The following ARL15 variants were observed in gnomAD, a reference collection of about 807,000 sequenced individuals.
The protein encoded by ARL15 is ADP-ribosylation factor-like protein 15.
In ARL15, 19 loss-of-function variants were observed where a neutral mutation model predicts 25.2. That is an observed-to-expected ratio of 0.75 (90% CI 0.53 to 1.10). The LOEUF (loss-of-function observed/expected upper bound fraction) is 1.10. Among genes scored for constraint, ARL15 ranks in the 50% least tolerant of loss-of-function variants. The pLI, the probability that ARL15 is intolerant of heterozygous loss-of-function variation, is 0.00. For synonymous variants in ARL15, 94 were observed against 86.8 expected (o/e 1.08, Z -0.46); for missense variants, 220 against 246.0 (o/e 0.89, Z 0.71).
intron 3 of ARL15, among the ~76,000 whole-genome samples, chr5:54,125,116 CT>C: frequency 6.9e-6 from 1 of 145,042 alleles, no homozygotes; most frequent in East Asian, 2.0e-4. Flanking sequence ...CAGTCTCACT[CT>C]GTTGCCAAGG....
chr5:54,203,917 G>C (rs1375774642), intron 1 of ARL15, among the ~76,000 whole-genome samples: 4 of 152,188 alleles, frequency 2.6e-5, no homozygotes, highest in Non-Finnish European at 5.9e-5. Flanking sequence ...GGGTATTAAG[G>C]TCATGAAATG....
intron 3 of ARL15, among the ~76,000 whole-genome samples, chr5:54,141,802 A>T (rs1753790124): frequency 1.3e-5 from 2 of 152,200 alleles, no homozygotes; most frequent in South Asian, 4.1e-4. Context: ...TAGAATACAA[A>T]TTTATCTCAG....
intron 1 of ARL15, among the ~76,000 whole-genome samples, chr5:54,239,974 T>A (rs1424070498): frequency 6.6e-6 from 1 of 152,174 alleles, no homozygotes. Flanking sequence ...AGGCCTGTAA[T>A]CCCAGCACTT....
At chr5:54,291,661 C>T (rs951622085) in intron 1 of ARL15, among the ~76,000 whole-genome samples, 5 of 152,148 alleles carry the variant, frequency 3.3e-5, no homozygotes, top group Non-Finnish European at 7.3e-5. Flanking sequence ...AAAGCCAAGC[C>T]GCCCACATCT....
chr5:53,990,817 A>C (rs553906245), intron 4 of ARL15, among the ~76,000 whole-genome samples: 1 of 152,208 alleles, frequency 6.6e-6, no homozygotes, highest in African/African-American at 2.4e-5. Flanking sequence ...TATTTTATGA[A>C]TTGAAAAAGC....
chr5:54,075,302 T>C (rs962940892), intron 4 of ARL15, among the ~76,000 whole-genome samples: 2 of 152,144 alleles, frequency 1.3e-5, no homozygotes, highest in African/African-American at 4.8e-5. Flanking sequence ...AAAACTGATA[T>C]ACTTTCCCCA....
chr5:54,295,973 G>A (rs565032130), intron 1 of ARL15, among the ~76,000 whole-genome samples: 36 of 152,342 alleles, frequency 2.4e-4, no homozygotes, highest in African/African-American at 8.7e-4. Flanking sequence ...GAATTCCAGA[G>A]TAGCACCTCA....
chr5:54,262,565 T>C (rs1407989724), intron 1 of ARL15, among the ~76,000 whole-genome samples: 2 of 152,184 alleles, frequency 1.3e-5, no homozygotes, highest in Non-Finnish European at 2.9e-5. Context: ...TCATATTTTA[T>C]GTCTAGAGGT....
At chr5:53,938,703 C>G (rs969566863) in intron 4 of ARL15, among the ~76,000 whole-genome samples, 2 of 152,146 alleles carry the variant, frequency 1.3e-5, no homozygotes, top group Non-Finnish European at 2.9e-5. Flanking sequence ...CCATGTGCCT[C>G]TAGGCACATG....
At chr5:54,277,542 G>C (rs1757956651) in intron 1 of ARL15, among the ~76,000 whole-genome samples, 2 of 152,170 alleles carry the variant, frequency 1.3e-5, no homozygotes, top group South Asian at 4.1e-4. Flanking sequence ...ACGAGGTCAG[G>C]AGATTGAGAC....
rs556191830 is a variant in ARL15 at position 54,024,754 on chromosome 5, G to T, written c.462+88448C>A. Among the ~76,000 whole-genome samples, 6 of 152,070 alleles carry T rather than the reference G, an allele frequency of 3.9e-5. No individual in the cohort carries two copies. The East Asian group carries it at 9.7e-4, about 24-fold the overall frequency. ...CCTATTACTCAATAATCTGGATAAA[G>T]AATTTGTAGTGTCAAGAAAAGAGAT... On this transcript the variant is annotated intron_variant, in intron 4 of 4. Coordinates refer to ENST00000504924, the MANE Select transcript of ARL15 (RefSeq NM_019087.3).
At chr5:53,894,301 C>T (rs973894672) in intron 4 of ARL15, among the ~76,000 whole-genome samples, 5 of 152,270 alleles carry the variant, frequency 3.3e-5, no homozygotes, top group Middle Eastern at 3.4e-3. Context: ...CAGTAACCTC[C>T]GACATGTATA....
At chr5:54,145,242 A>T (rs1753871240) in intron 3 of ARL15, among the ~76,000 whole-genome samples, 2 of 152,176 alleles carry the variant, frequency 1.3e-5, no homozygotes, top group South Asian at 4.1e-4. Context: ...ACTTTACATA[A>T]ATTCTTCGCA....
At chr5:54,234,276 C>A (rs1326407753) in intron 1 of ARL15, among the ~76,000 whole-genome samples, 1 of 151,996 alleles carries the variant, frequency 6.6e-6, no homozygotes, top group Non-Finnish European at 1.5e-5. Flanking sequence ...CAGGCTTGAG[C>A]CACCAGGCCT....
intron 2 of ARL15, among the ~76,000 whole-genome samples, chr5:54,164,136 G>T (rs112653233): frequency 1.3e-5 from 2 of 151,670 alleles, no homozygotes; most frequent in Admixed American, 1.3e-4. Flanking sequence ...TTGATTCGTG[G>T]GTCATTTAGA....
chr5:53,928,695 T>A (rs1746107166), intron 4 of ARL15, among the ~76,000 whole-genome samples: 1 of 152,170 alleles, frequency 6.6e-6, no homozygotes, highest in Non-Finnish European at 1.5e-5. Flanking sequence ...TTGAAAAAAA[T>A]TTAACAAGGA....
At chr5:54,131,303 C>T (rs149928592) in intron 3 of ARL15, among the ~76,000 whole-genome samples, 1 of 152,152 alleles carries the variant, frequency 6.6e-6, no homozygotes, top group African/African-American at 2.4e-5. Flanking sequence ...ATTTATGAAA[C>T]GTTTACACTG....
chr5:54,191,314 A>G (rs1755393126), intron 1 of ARL15, among the ~76,000 whole-genome samples: 1 of 152,196 alleles, frequency 6.6e-6, no homozygotes, highest in Non-Finnish European at 1.5e-5. Flanking sequence ...AAGGAGGGGG[A>G]TACAGGCAGT....
intron 1 of ARL15, among the ~76,000 whole-genome samples, chr5:54,218,809 T>C (rs937808284): frequency 7.2e-5 from 11 of 152,146 alleles, no homozygotes; most frequent in Non-Finnish European, 1.6e-4. Context: ...TAAAAGTAGA[T>C]GTTGAGTGGG....
Sources: gnomAD v4.1 joint callset for allele counts (sites outside exome capture counted in the v4.1 genomes callset) on GRCh38, gnomAD v4.1.1 for gene constraint, MANE v1.5 for transcripts, NCBI Gene and HGNC (gene_info 2026-07-23, HGNC 2026-07-21) for gene names.